Variants in ANO3 observed in about 807,000 individuals in gnomAD.
The protein encoded by ANO3 is anoctamin 3.
Under a neutral mutation model 144.8 loss-of-function variants are expected in ANO3, and 99 were observed. The observed-to-expected ratio is 0.68, with a 90% CI of 0.58 to 0.81. The LOEUF (loss-of-function observed/expected upper bound fraction) is 0.81, where lower values mean the gene tolerates loss of function less well. Ranked by LOEUF, ANO3 falls within the 30% of genes least tolerant of loss-of-function variation. The probability of loss-of-function intolerance (pLI) is 0.00; values close to 1 mark genes in which losing one functional copy is unlikely to be tolerated. For synonymous variants in ANO3, 414 were observed against 392.6 expected, an observed-to-expected ratio of 1.05 and a Z score of -0.64; for missense variants, 905 against 1,202.2, an observed-to-expected ratio of 0.75 and a Z score of 3.66.
At chr11:26,230,516 G>A (rs1377848499) in intron 1 of ANO3, among the ~76,000 whole-genome samples, 1 of 151,760 alleles carries the variant, frequency 6.6e-6, no homozygotes, top group Non-Finnish European at 1.5e-5. Flanking sequence ...TTATCTTTTG[G>A]CCAGGCACGG....
At chr11:26,326,493 A>G (rs1854885827) in intron 1 of ANO3, among the ~76,000 whole-genome samples, 2 of 152,148 alleles carry the variant, frequency 1.3e-5, no homozygotes, top group Non-Finnish European at 2.9e-5. Context: ...CGAATAATGT[A>G]TTAGAATCAT....
chr11:26,547,280 T>A, intron 11 of ANO3, 136 bp from the exon 12 acceptor site: 1 of 802,314 alleles, frequency 1.2e-6, no homozygotes, highest in Non-Finnish European at 2.0e-6. Context: ...GAGTATTAGA[T>A]ACTTTAGATG....
At position 26,599,620 on chromosome 11, in the gene ANO3, C is replaced by T. The variant is rs898146146; in HGVS notation, c.1742C>T (p.Ser581Leu). Residue 581 changes from serine to leucine, a missense_variant, in exon 17 of 27, where the codon TCA becomes TTA. Physicochemically the swap from Ser to Leu is moderately radical, Grantham distance 145. Coordinates refer to ENST00000256737, the MANE Select transcript of ANO3 (RefSeq NM_031418.4). Reference protein sequence around the residue: ...YRLVVMEQFASFKWNFIKQYW... With the variant: ...YRLVVMEQFALFKWNFIKQYW... ...CTGGTTGTCATGGAACAGTTTGCATCATTCAAGTGGAATTTCATCAAACAA... is the reference window on the plus strand; with the variant it reads ...CTGGTTGTCATGGAACAGTTTGCATTATTCAAGTGGAATTTCATCAAACAA... 2 of 1,614,094 alleles carry T rather than the reference C, an allele frequency of 1.2e-6. No individual in the cohort carries two copies. The highest frequency in any genetic ancestry group is 3.3e-5 in the Admixed American group (2 of 60,010).
At chr11:26,453,360 G>A (rs539461231) in intron 3 of ANO3, among the ~76,000 whole-genome samples, 2 of 151,798 alleles carry the variant, frequency 1.3e-5, no homozygotes, top group South Asian at 2.1e-4. Flanking sequence ...ACACACATAG[G>A]CTCAAAATAA....
At chr11:26,309,802 A>C (rs7950267) in intron 1 of ANO3, 8 of 447,172 alleles carry the variant, frequency 1.8e-5, no homozygotes, top group East Asian at 1.6e-4. Context: ...GAGTCTTTAC[A>C]GGGGGGGTGA....
At chr11:26,642,052 A>G (rs1853173777) in intron 22 of ANO3, 23 bp downstream of exon 22, 1 of 1,603,024 alleles carries the variant, frequency 6.2e-7, no homozygotes, top group African/African-American at 1.3e-5. Context: ...AATCTGCAGG[A>G]CTATTTGGCC....
At chr11:26,622,239 C>T (rs1242558879) in intron 17 of ANO3, among the ~76,000 whole-genome samples, 2 of 151,944 alleles carry the variant, frequency 1.3e-5, no homozygotes, top group Admixed American at 6.6e-5. Flanking sequence ...GTTATTGTAA[C>T]CCCCCTAATG....
intron 1 of ANO3, among the ~76,000 whole-genome samples, chr11:26,335,352 T>C (rs1855165036): frequency 6.6e-6 from 1 of 152,196 alleles, no homozygotes; most frequent in African/African-American, 2.4e-5. Context: ...GGTTGGCTCT[T>C]TAGTAGTATA....
intron 4 of ANO3, among the ~76,000 whole-genome samples, chr11:26,499,389 A>AT (rs1344586416): frequency 6.6e-6 from 1 of 151,784 alleles, no homozygotes; most frequent in African/African-American, 2.4e-5. Flanking sequence ...ATATTATAAA[A>AT]TGCTCTCATA....
At chr11:26,244,514 C>T (rs771220503) in intron 1 of ANO3, among the ~76,000 whole-genome samples, 5 of 152,074 alleles carry the variant, frequency 3.3e-5, no homozygotes, top group African/African-American at 4.8e-5. Flanking sequence ...CTGTACATAG[C>T]AAAGAAAAGG....
chr11:26,438,675 G>A (rs118112868), intron 1 of ANO3, among the ~76,000 whole-genome samples: 2,133 of 151,268 alleles, frequency 0.014, 19 homozygotes, highest in Non-Finnish European at 0.023. Context: ...CTACTCGGGG[G>A]GCTGGGGCAG....
At chr11:26,341,028 C>T (rs1855343455) in intron 1 of ANO3, among the ~76,000 whole-genome samples, 1 of 152,110 alleles carries the variant, frequency 6.6e-6, no homozygotes, top group Non-Finnish European at 1.5e-5. Flanking sequence ...AGGCCCTGAA[C>T]AAAGTTAGTT....
chr11:26,631,789 A>T (rs1437013877), intron 18 of ANO3, among the ~76,000 whole-genome samples: 8 of 152,206 alleles, frequency 5.3e-5, no homozygotes, highest in African/African-American at 9.7e-5. Context: ...TATAATAATC[A>T]TGATCTCTAT....
At chr11:26,373,517 C>G (rs764589014) in intron 1 of ANO3, among the ~76,000 whole-genome samples, 3 of 152,078 alleles carry the variant, frequency 2.0e-5, no homozygotes, top group African/African-American at 7.2e-5. Flanking sequence ...TAAATTACCC[C>G]GTTTTAGGTA....
intron 1 of ANO3, among the ~76,000 whole-genome samples, chr11:26,424,376 A>G (rs1857858132): frequency 6.6e-6 from 1 of 151,846 alleles, no homozygotes; most frequent in African/African-American, 2.4e-5. Context: ...ACTCTCTATT[A>G]TATAACACTG....
intron 11 of ANO3, among the ~76,000 whole-genome samples, chr11:26,546,712 A>T (rs1052866123): frequency 1.7e-4 from 26 of 152,028 alleles, no homozygotes; most frequent in Non-Finnish European, 2.9e-5. Flanking sequence ...ATATTCATCA[A>T]CTAGAGGGGA....
chr11:26,373,294 G>A (rs1054901953), intron 1 of ANO3, among the ~76,000 whole-genome samples: 2 of 152,074 alleles, frequency 1.3e-5, no homozygotes, highest in African/African-American at 4.8e-5. Flanking sequence ...TCATGGGGAC[G>A]GTTCCCCCAT....
intron 1 of ANO3, among the ~76,000 whole-genome samples, chr11:26,271,661 A>T (rs899585386): frequency 1.3e-5 from 2 of 151,794 alleles, no homozygotes; most frequent in African/African-American, 2.4e-5. Flanking sequence ...TTAAAAATTT[A>T]GTTGATTTTT....
chr11:26,429,106 G>A (rs186033639), intron 1 of ANO3, among the ~76,000 whole-genome samples: 40 of 152,198 alleles, frequency 2.6e-4, no homozygotes, highest in Non-Finnish European at 4.0e-4. Flanking sequence ...GCTGGTAAGC[G>A]CAATTCATTG....
Sources: allele counts gnomAD v4.1 joint callset (sites outside exome capture counted in the v4.1 genomes callset), GRCh38; gene constraint gnomAD v4.1.1; transcripts MANE v1.5; gene names NCBI Gene and HGNC (gene_info 2026-07-23, HGNC 2026-07-21).